The following VTI1A variants were observed in gnomAD, a reference collection of about 807,000 sequenced individuals.
VTI1A encodes the protein vesicle transport through interaction with t-SNAREs homolog 1A.
Under a neutral mutation model 34.9 loss-of-function variants are expected in VTI1A, and 22 were observed. That is an observed-to-expected ratio of 0.63 (90% CI 0.45 to 0.90). VTI1A has a LOEUF of 0.90. VTI1A is among the 40% of genes least tolerant of loss of function. The pLI is 0.00. For synonymous variants in VTI1A, 87 were observed against 97.3 expected (o/e 0.89, Z 0.62); for missense variants, 268 against 275.6 (o/e 0.97, Z 0.20).
chr10:112,465,236 C>T (rs949932320), intron 3 of VTI1A, among the ~76,000 whole-genome samples: 4 of 151,166 alleles, frequency 2.6e-5, no homozygotes, highest in African/African-American at 7.4e-5. Flanking sequence ...ATCTGGCTTT[C>T]AACCGTATCT....
At chr10:112,713,745 T>C (rs1456912297) in intron 7 of VTI1A, among the ~76,000 whole-genome samples, 2 of 152,236 alleles carry the variant, frequency 1.3e-5, no homozygotes, top group East Asian at 3.8e-4. Flanking sequence ...TTATCAGTGA[T>C]GTTTTCAGTT....
intron 5 of VTI1A, among the ~76,000 whole-genome samples, chr10:112,624,921 A>AC (rs1289775142): frequency 3.3e-5 from 5 of 152,010 alleles, no homozygotes; most frequent in Non-Finnish European, 7.4e-5. Context: ...ACATAGTGAG[A>AC]CCCCATCTCT....
At chr10:112,611,966 C>G (rs1292699159) in intron 5 of VTI1A, among the ~76,000 whole-genome samples, 1 of 151,980 alleles carries the variant, frequency 6.6e-6, no homozygotes, top group Non-Finnish European at 1.5e-5. Flanking sequence ...TGGTCTTGAT[C>G]TCCTGACCTC....
At chr10:112,814,749 A>T (rs1452612295) in intron 7 of VTI1A, among the ~76,000 whole-genome samples, 2 of 152,178 alleles carry the variant, frequency 1.3e-5, no homozygotes, top group Admixed American at 6.5e-5. Context: ...ACACTGACAG[A>T]TGATGGTTTC....
At chr10:112,811,711 A>ATT (rs1554965461) in intron 7 of VTI1A, among the ~76,000 whole-genome samples, 1 of 117,406 alleles carries the variant, frequency 8.5e-6, no homozygotes. Flanking sequence ...AAAAAAAAAA[A>ATT]AGAGTGCAGT....
chr10:112,629,964 A>G (rs1846067750), intron 5 of VTI1A, among the ~76,000 whole-genome samples: 1 of 152,196 alleles, frequency 6.6e-6, no homozygotes, highest in Non-Finnish European at 1.5e-5. Flanking sequence ...ATTTAAAAAA[A>G]ATATGGTTTT....
intron 5 of VTI1A, among the ~76,000 whole-genome samples, chr10:112,573,767 C>T (rs1010181089): frequency 6.6e-6 from 1 of 152,226 alleles, no homozygotes; most frequent in Non-Finnish European, 1.5e-5. Flanking sequence ...TTGTGAAAGC[C>T]GTTCAGAACA....
chr10:112,565,351 A>G (rs1298509206), intron 5 of VTI1A, among the ~76,000 whole-genome samples: 2 of 152,190 alleles, frequency 1.3e-5, no homozygotes, highest in Non-Finnish European at 2.9e-5. Context: ...ACAAAACACC[A>G]TGCTTCTTTA....
chr10:112,733,657 A>G (rs1352781700), intron 7 of VTI1A, among the ~76,000 whole-genome samples: 2 of 152,070 alleles, frequency 1.3e-5, no homozygotes, highest in Non-Finnish European at 2.9e-5. Context: ...TCTCACTCCT[A>G]TTGTCTAATT....
chr10:112,578,110 G>A lies in VTI1A; in HGVS notation c.427+39780G>A, dbSNP rs117625190. On this transcript the variant is annotated intron_variant, in intron 5 of 7. Transcript: ENST00000393077. ...TGGTGATAACGATGCTTTAGGAGAC[G>A]AATCTGGCCAGTGGCATATAGGACA... Among the ~76,000 whole-genome samples the A allele has an allele frequency of 5.3e-3, 800 of 152,286 alleles. 1 individual carries two copies. Among genetic ancestry groups the A allele is most frequent in the Non-Finnish European group, 8.3e-3 (567 of 68,028 alleles).
chr10:112,514,523 T>G (rs997392189), intron 3 of VTI1A, among the ~76,000 whole-genome samples: 1 of 151,828 alleles, frequency 6.6e-6, no homozygotes, highest in Non-Finnish European at 1.5e-5. Flanking sequence ...ATCTTTGTTA[T>G]TTCATTCTTC....
chr10:112,775,795 GTCTCTCTCTT>G (rs1851940662), intron 7 of VTI1A, among the ~76,000 whole-genome samples: 1 of 152,182 alleles, frequency 6.6e-6, no homozygotes, highest in Non-Finnish European at 1.5e-5. Context: ...TAGGACACAG[GTCTCTCTCTT>G]TTGTGTGTGT....
At chr10:112,611,973 C>T (rs901184424) in intron 5 of VTI1A, among the ~76,000 whole-genome samples, 2 of 151,940 alleles carry the variant, frequency 1.3e-5, no homozygotes, top group Admixed American at 6.6e-5. Flanking sequence ...GATCTCCTGA[C>T]CTCGTGGTCC....
intron 7 of VTI1A, among the ~76,000 whole-genome samples, chr10:112,711,664 C>A (rs1849421672): frequency 6.6e-6 from 1 of 152,140 alleles, no homozygotes; most frequent in African/African-American, 2.4e-5. Flanking sequence ...GTAAACCATC[C>A]CAAATCTTGT....
chr10:112,628,906 T>G (rs1407117321), intron 5 of VTI1A, among the ~76,000 whole-genome samples: 1 of 152,196 alleles, frequency 6.6e-6, no homozygotes. Context: ...ATTTAAAGTA[T>G]GAGTTTTTTA....
intron 5 of VTI1A, among the ~76,000 whole-genome samples, chr10:112,622,262 A>C (rs75784837): frequency 6.6e-6 from 1 of 152,148 alleles, no homozygotes; most frequent in African/African-American, 2.4e-5. Context: ...GTCAGAATAT[A>C]GTTGTTTTTG....
chr10:112,736,125 ATATATATATATATG>A, intron 7 of VTI1A, among the ~76,000 whole-genome samples: 1 of 144,828 alleles, frequency 6.9e-6, no homozygotes, highest in African/African-American at 2.6e-5. Flanking sequence ...ATATATATAT[ATATATATATATATG>A]TAAATGTATA....
At chr10:112,658,213 A>T (rs1382282363) in intron 5 of VTI1A, among the ~76,000 whole-genome samples, 1 of 152,048 alleles carries the variant, frequency 6.6e-6, no homozygotes, top group Non-Finnish European at 1.5e-5. Flanking sequence ...TTAGCCTCCC[A>T]AGAAGCTGAT....
chr10:112,746,120 A>G (rs181823914), intron 7 of VTI1A, among the ~76,000 whole-genome samples: 150 of 152,322 alleles, frequency 9.8e-4, no homozygotes, highest in African/African-American at 3.4e-3. Flanking sequence ...ATTTGGGCCA[A>G]CTTCCTTGAA....
Sources: gnomAD v4.1 joint callset for allele counts (sites outside exome capture counted in the v4.1 genomes callset) on GRCh38, gnomAD v4.1.1 for gene constraint, MANE v1.5 for transcripts, NCBI Gene and HGNC (gene_info 2026-07-23, HGNC 2026-07-21) for gene names.